RAPGEF6: variants seen among roughly 807,000 people sequenced by gnomAD.
The protein encoded by RAPGEF6 is Rap guanine nucleotide exchange factor 6.
RAPGEF6 carries 56 observed loss-of-function variants against 171.4 expected under a neutral mutation model. That is an observed-to-expected ratio of 0.33 (90% CI 0.26 to 0.41). RAPGEF6 has a LOEUF of 0.41. RAPGEF6 is among the 10% of genes least tolerant of loss of function. The pLI is 1.00. For missense variants in RAPGEF6, 1,674 were observed against 1,921.4 expected (o/e 0.87, Z 2.41); for synonymous variants, 692 against 650.1 (o/e 1.06, Z -0.98).
chr5:131,435,879 G>T, intron 24 of RAPGEF6: 3 of 1,445,878 alleles, frequency 2.1e-6, no homozygotes, highest in Non-Finnish European at 2.7e-6. Context: ...TTTGACAAAT[G>T]GTTTAATTTA....
At chr5:131,591,290 T>C (rs1763572203) in intron 4 of RAPGEF6, among the ~76,000 whole-genome samples, 2 of 152,306 alleles carry the variant, frequency 1.3e-5, no homozygotes, top group Admixed American at 1.3e-4. Context: ...AAGCATACGT[T>C]GAGGCCCTAA....
chr5:131,544,991 C>A (rs1760418928), intron 6 of RAPGEF6, among the ~76,000 whole-genome samples: 1 of 152,026 alleles, frequency 6.6e-6, no homozygotes, highest in African/African-American at 2.4e-5. Context: ...CCAAACTGTG[C>A]ACTTTAAATA....
chr5:131,444,913 A>G (rs1024199445), intron 22 of RAPGEF6, among the ~76,000 whole-genome samples: 34 of 152,350 alleles, frequency 2.2e-4, no homozygotes, highest in African/African-American at 7.7e-4. Flanking sequence ...TAAAGGTTCT[A>G]TATACTCTTT....
intron 4 of RAPGEF6, among the ~76,000 whole-genome samples, chr5:131,572,233 G>A (rs920032197): frequency 2.6e-4 from 39 of 152,044 alleles, no homozygotes; most frequent in East Asian, 1.9e-4. Context: ...CGCTCCCTCC[G>A]TGAGGAGATC....
chr5:131,589,692 A>T (rs1763474849), intron 4 of RAPGEF6, among the ~76,000 whole-genome samples: 1 of 152,190 alleles, frequency 6.6e-6, no homozygotes, highest in Non-Finnish European at 1.5e-5. Flanking sequence ...TGCTAGCTGA[A>T]AATGTTACAG....
intron 17 of RAPGEF6, 132 bp downstream of exon 17, chr5:131,472,455 G>GA (rs1580878974): frequency 5.8e-6 from 6 of 1,037,302 alleles, no homozygotes; most frequent in Non-Finnish European, 8.8e-6. Context: ...TCTCCCTTTA[G>GA]TTTTTTGCAT....
intron 7 of RAPGEF6, among the ~76,000 whole-genome samples, chr5:131,518,522 T>C (rs1306122899): frequency 6.6e-6 from 1 of 151,822 alleles, no homozygotes; most frequent in Non-Finnish European, 1.5e-5. Context: ...CTCAGCCTCC[T>C]GAGTAGCTGG....
At position 131,427,119 on chromosome 5, in the gene RAPGEF6, T is replaced by A; in HGVS notation, c.*147A>T. 2 of 758,628 alleles carry A rather than the reference T, an allele frequency of 2.6e-6. No homozygotes were observed. Among genetic ancestry groups the A allele is most frequent in the South Asian group, 1.6e-5 (1 of 63,330 alleles). 47.0% of individuals were successfully genotyped at this position (758,628 alleles called of 1,614,324 possible). On this transcript the variant is annotated 3_prime_UTR_variant, in exon 28 of 28. Transcript: ENST00000509018. ...AATGAAAGGAAGCATAACTCAGGTCTATTTCATTGCTCGGAGTAGAGGGAA... is the reference window on the plus strand; with the variant it reads ...AATGAAAGGAAGCATAACTCAGGTCAATTTCATTGCTCGGAGTAGAGGGAA...
chr5:131,508,337 AAGGT>A lies in RAPGEF6; in HGVS notation c.806-134_806-131del, dbSNP rs745932573. On this transcript the variant is annotated intron_variant, in intron 8 of 27. Coordinates refer to ENST00000509018, the MANE Select transcript of RAPGEF6 (RefSeq NM_016340.6). ...TTTATGTTGCTAAAGTAGAGAAACT[AAGGT>A]ACTATTTGACCGTTGATTTTTAAAA... is the stretch of plus-strand genomic sequence containing the variant. 1,100 of 919,742 alleles carry A rather than the reference AAGGT, an allele frequency of 1.2e-3. 1 individual carries two copies. Among genetic ancestry groups the A allele is most frequent in the Non-Finnish European group, 1.4e-3 (897 of 626,404 alleles). 57.0% of individuals were successfully genotyped at this position (919,742 alleles called of 1,614,324 possible).
chr5:131,602,482 C>T (rs1210555570), intron 3 of RAPGEF6, among the ~76,000 whole-genome samples: 2 of 152,058 alleles, frequency 1.3e-5, no homozygotes, highest in African/African-American at 2.4e-5. Flanking sequence ...AGAAATTGGC[C>T]AGGCACGGTG....
chr5:131,634,891 C>G (rs760596345), intron 1 of RAPGEF6, 71 bp downstream of exon 1: 22 of 1,563,724 alleles, frequency 1.4e-5, no homozygotes, highest in Non-Finnish European at 1.9e-5. Flanking sequence ...GCAGTCGCCG[C>G]GGATTTCGGA....
chr5:131,521,608 C>T, intron 6 of RAPGEF6, 87 bp from the exon 7 acceptor site: 2 of 1,207,090 alleles, frequency 1.7e-6, no homozygotes, highest in Non-Finnish European at 1.1e-6. Flanking sequence ...TTTTTATGTA[C>T]ATTACTGTGC....
intron 1 of RAPGEF6, among the ~76,000 whole-genome samples, chr5:131,618,499 G>A (rs1208640696): frequency 6.6e-6 from 1 of 152,000 alleles, no homozygotes; most frequent in Non-Finnish European, 1.5e-5. Context: ...TTAGCCGGGT[G>A]TGATGGCACA....
intron 1 of RAPGEF6, among the ~76,000 whole-genome samples, chr5:131,633,225 G>C (rs1001525723): frequency 1.3e-5 from 2 of 151,926 alleles, no homozygotes; most frequent in African/African-American, 4.8e-5. Context: ...TCAGCTACTC[G>C]GGAGGGTGAG....
chr5:131,438,020 T>C (rs1336355577), intron 24 of RAPGEF6, among the ~76,000 whole-genome samples: 2 of 152,104 alleles, frequency 1.3e-5, no homozygotes, highest in African/African-American at 4.8e-5. Context: ...TTCGTTTCCA[T>C]AGCCACCAAA....
At chr5:131,603,398 T>A in intron 2 of RAPGEF6, 71 bp from the exon 3 acceptor site, 2 of 954,248 alleles carry the variant, frequency 2.1e-6, no homozygotes, top group Non-Finnish European at 3.2e-6. Context: ...TGACCTCAAC[T>A]AATTATTATA....
At chr5:131,428,102 C>T (rs1176175156) in intron 27 of RAPGEF6, among the ~76,000 whole-genome samples, 2 of 151,792 alleles carry the variant, frequency 1.3e-5, no homozygotes, top group African/African-American at 4.8e-5. Flanking sequence ...GACCTTGTCT[C>T]AACAAACAAA....
intron 5 of RAPGEF6, among the ~76,000 whole-genome samples, chr5:131,552,581 C>G (rs906898724): frequency 3.3e-5 from 5 of 151,942 alleles, no homozygotes; most frequent in Middle Eastern, 3.2e-3. Context: ...CTGCCTCAGC[C>G]TCCCAAGTAG....
At chr5:131,531,073 T>C (rs1269445438) in intron 6 of RAPGEF6, among the ~76,000 whole-genome samples, 1 of 152,178 alleles carries the variant, frequency 6.6e-6, no homozygotes, top group Non-Finnish European at 1.5e-5. Flanking sequence ...GGACAGTGAA[T>C]TTAAATGTCT....
Sources: allele counts gnomAD v4.1 joint callset (sites outside exome capture counted in the v4.1 genomes callset), GRCh38; gene constraint gnomAD v4.1.1; transcripts MANE v1.5; gene names NCBI Gene and HGNC (gene_info 2026-07-23, HGNC 2026-07-21).